PCDH19: variants seen among roughly 807,000 people sequenced by gnomAD.
PCDH19 encodes protocadherin 19.
A neutral mutation model predicts 46.2 loss-of-function variants in PCDH19; 6 were observed. That is an observed-to-expected ratio of 0.13 (90% confidence interval 0.07 to 0.26). The LOEUF (loss-of-function observed/expected upper bound fraction) is 0.26. Ranked by LOEUF, PCDH19 falls within the 10% of genes least tolerant of loss-of-function variation. The pLI is 1.00. For missense variants in PCDH19, 740 were observed against 972.3 expected (o/e 0.76, Z 3.18); for synonymous variants, 481 against 415.7 (o/e 1.16, Z -1.91).
At chrX:100,322,846 TA>T (rs1569291787) in intron 5 of PCDH19, among the ~76,000 whole-genome samples, 2 of 57,251 alleles carry the variant, frequency 3.5e-5, no homozygotes, top group African/African-American at 1.7e-4. Context: ...TATATATATA[TA>T]TATATATATA....
intron 3 of PCDH19, among the ~76,000 whole-genome samples, chrX:100,362,188 C>G (rs1926904421): frequency 9.0e-6 from 1 of 111,371 alleles, no homozygotes; most frequent in South Asian, 3.8e-4. Flanking sequence ...CTCTCTTGGT[C>G]AATTTTTCAA....
At chrX:100,363,363 T>G (rs1926957684) in intron 3 of PCDH19, among the ~76,000 whole-genome samples, 2 of 109,449 alleles carry the variant, frequency 1.8e-5, no homozygotes, top group Non-Finnish European at 3.8e-5. Context: ...GGGATTTTTT[T>G]TTTTAGGACC....
At chrX:100,355,007 CTTA>C (rs1373522458) in intron 3 of PCDH19, among the ~76,000 whole-genome samples, 1 of 111,366 alleles carries the variant, frequency 9.0e-6, no homozygotes, top group Non-Finnish European at 1.9e-5. Flanking sequence ...GAGTCACTTT[CTTA>C]TTATTTAGTA....
chrX:100,342,601 A>T (rs868228912), intron 4 of PCDH19, among the ~76,000 whole-genome samples: 1 of 112,061 alleles, frequency 8.9e-6, no homozygotes, highest in Admixed American at 9.5e-5. Flanking sequence ...CACAGCTGGT[A>T]AAAAATATAG....
chrX:100,377,545 T>C (rs1178727686), intron 3 of PCDH19, among the ~76,000 whole-genome samples: 1 of 112,098 alleles, frequency 8.9e-6, no homozygotes, highest in Non-Finnish European at 1.9e-5. Context: ...GACTGATGCA[T>C]AGGTGTTCAA....
intron 5 of PCDH19, among the ~76,000 whole-genome samples, chrX:100,325,174 T>C (rs866238849): frequency 1.9e-5 from 2 of 107,182 alleles, no homozygotes; most frequent in Non-Finnish European, 3.8e-5. Flanking sequence ...GATAGACAGA[T>C]AGACACTTTG....
chrX:100,296,266 T>A lies in PCDH19; in HGVS notation c.*11A>T. Reference sequence around the variant, plus strand: ...CAGTGTGGTTTCTTTCTCTTCTTCCTGGAGACTGGTTTAGAGAACGATATC... The same window carrying A: ...CAGTGTGGTTTCTTTCTCTTCTTCCAGGAGACTGGTTTAGAGAACGATATC... On this transcript the variant is annotated 3_prime_UTR_variant, in exon 6 of 6. Transcript: ENST00000373034. 8.5e-7 allele frequency: 1 copy of A among 1,180,221 alleles called. No individual in the cohort carries two copies. The highest frequency in any genetic ancestry group is 3.0e-5 in the East Asian group (1 of 33,714).
chrX:100,315,254 C>T (rs1925263185), intron 5 of PCDH19, among the ~76,000 whole-genome samples: 1 of 112,119 alleles, frequency 8.9e-6, no homozygotes, highest in African/African-American at 3.2e-5. Flanking sequence ...AATATGCACA[C>T]CCTATAAAAG....
chrX:100,398,248 CATCAGAGGACAAGTAAATAATGATATACA>C (rs1928081298), intron 3 of PCDH19, among the ~76,000 whole-genome samples: 1 of 112,428 alleles, frequency 8.9e-6, no homozygotes, highest in African/African-American at 3.2e-5. Flanking sequence ...TCCCAGCCAA[CATCAGAGGACAAGTAAATAATGATATACA>C]ATTCTACACA....
chrX:100,406,647 A>T lies in PCDH19; in HGVS notation c.1951T>A (p.Ser651Thr), dbSNP rs1928356895. The part of the protein sequence containing the change: ...IVVAHDHGKT[S>T]LSASALVLIY... ...AGGACGAGAGCAGAGGCAGAGAGAG[A>T]TGTCTTGCCGTGGTCGTGAGCCACC... Residue 651 changes from serine (S) to threonine (T), a missense_variant, in exon 1 of 6, where the codon TCT becomes ACT. This residue lies in a region of PCDH19 where 416 missense variants were observed against 476.8 expected (regional missense o/e 0.87). Coordinates refer to ENST00000373034, the MANE Select transcript of PCDH19 (RefSeq NM_001184880.2). 8.3e-7 allele frequency: 1 copy of T among 1,209,719 alleles called. No homozygotes were observed. Among genetic ancestry groups the T allele is most frequent in the Non-Finnish European group, 1.1e-6 (1 of 895,110 alleles).
intron 3 of PCDH19, among the ~76,000 whole-genome samples, chrX:100,394,148 C>T (rs1351813708): frequency 8.9e-6 from 1 of 111,941 alleles, no homozygotes; most frequent in African/African-American, 3.3e-5. Flanking sequence ...GCCTAGGTGA[C>T]GAAGTGAGAC....
chrX:100,388,503 A>C (rs185995812), intron 3 of PCDH19, among the ~76,000 whole-genome samples: 1 of 110,718 alleles, frequency 9.0e-6, no homozygotes, highest in East Asian at 2.8e-4. Context: ...GATATTTAGG[A>C]TATTTCCGAT....
intron 3 of PCDH19, among the ~76,000 whole-genome samples, chrX:100,375,203 G>C (rs1927336810): frequency 9.0e-6 from 1 of 111,655 alleles, no homozygotes; most frequent in Non-Finnish European, 1.9e-5. Flanking sequence ...TGCCATGTTG[G>C]TGTGCTGCAC....
intron 3 of PCDH19, among the ~76,000 whole-genome samples, chrX:100,384,710 C>T (rs954393042): frequency 9.0e-6 from 1 of 111,630 alleles, no homozygotes; most frequent in African/African-American, 3.3e-5. Context: ...TCATGTAATA[C>T]ATCAATGAAG....
In PCDH19 at chrX:100,295,426, A is replaced by T. The variant is rs767754129; in HGVS notation, c.*851T>A. On this transcript the variant is annotated 3_prime_UTR_variant, in exon 6 of 6. Transcript: ENST00000373034. ...GCCTATCCAAAAATGACTTTCTGCA[A>T]TGATCTATCATGGACCTGGGCAGAC... 7.1e-5 allele frequency: 8 copies of T among 111,933 alleles called. No homozygotes were observed. The highest frequency in any genetic ancestry group is 1.3e-4 in the Non-Finnish European group (7 of 53,213). 9.2% of individuals were successfully genotyped at this position (111,933 alleles called of 1,213,427 possible).
chrX:100,328,844 G>A (rs989163370), intron 5 of PCDH19, among the ~76,000 whole-genome samples: 3 of 112,518 alleles, frequency 2.7e-5, no homozygotes, highest in African/African-American at 6.5e-5. Flanking sequence ...ACTAACAGGA[G>A]CCTTAAAGTG....
chrX:100,345,567 CTGCCTTT>C (rs1224420231), intron 4 of PCDH19, among the ~76,000 whole-genome samples: 2 of 111,633 alleles, frequency 1.8e-5, no homozygotes, highest in African/African-American at 6.5e-5. Context: ...GGTTTTGGAT[CTGCCTTT>C]TAAAAAATTG....
intron 5 of PCDH19, among the ~76,000 whole-genome samples, chrX:100,337,412 C>T (rs983675263): frequency 8.9e-6 from 1 of 112,313 alleles, no homozygotes; most frequent in Admixed American, 9.4e-5. Flanking sequence ...CAGTAGAAAG[C>T]ACAGGATAAA....
chrX:100,329,056 G>C lies in PCDH19; in HGVS notation c.2848+12847C>G, dbSNP rs573224638. ...GCAGATTGATTATCAGCTGAATTCA[G>C]CAAGTGCTCACTTGCTGTTTTAGCA... is the stretch of plus-strand genomic sequence containing the variant. On this transcript the variant is annotated intron_variant, in intron 5 of 5. Coordinates refer to ENST00000373034, the MANE Select transcript of PCDH19 (RefSeq NM_001184880.2). Among the ~76,000 whole-genome samples, 5 of 112,250 alleles carry C rather than the reference G, an allele frequency of 4.5e-5. No individual in the cohort carries two copies. In the South Asian group the frequency reaches 1.5e-3, roughly 34 times the overall value.
Sources: allele counts gnomAD v4.1 joint callset (sites outside exome capture counted in the v4.1 genomes callset), GRCh38; gene constraint gnomAD v4.1.1; regional missense constraint gnomAD v4.1.1; transcripts MANE v1.5; gene names NCBI Gene and HGNC (gene_info 2026-07-23, HGNC 2026-07-21).